The following MAST4 variants were observed in gnomAD, a reference collection of about 807,000 sequenced individuals.
MAST4 encodes the protein microtubule associated serine/threonine kinase family member 4, also known as microtubule-associated serine/threonine-protein kinase 4.
MAST4 carries 89 observed loss-of-function variants against 162.7 expected under a neutral mutation model. The ratio of observed to expected loss-of-function variants is 0.55; its 90% CI spans 0.46 to 0.65. The LOEUF is 0.65. Ranked by LOEUF, MAST4 falls within the 30% of genes least tolerant of loss-of-function variation. MAST4 has a pLI of 0.00. For synonymous variants in MAST4, 1,479 were observed against 1,361.1 expected, an observed-to-expected ratio of 1.09 and a Z score of -1.91; for missense variants, 3,153 against 3,374.0, an observed-to-expected ratio of 0.93 and a Z score of 1.62.
At chr5:66,705,402 A>AT (rs1224473880) in intron 1 of MAST4, among the ~76,000 whole-genome samples, 3 of 152,264 alleles carry the variant, frequency 2.0e-5, no homozygotes, top group East Asian at 3.9e-4. Flanking sequence ...GCATATAGGG[A>AT]TTTTTTTAAA....
rs1467727888 is a variant in MAST4 at position 67,165,687 on chromosome 5, G to A, written c.6508G>A (p.Ala2170Thr). 1 of 1,585,794 alleles carries A rather than the reference G, an allele frequency of 6.3e-7. No individual in the cohort carries two copies. The highest frequency in any genetic ancestry group is 8.6e-7 in the Non-Finnish European group (1 of 1,166,822). The change falls in exon 29 of 29, where the codon GCA becomes ACA. Residue 2170 changes from alanine to threonine, a missense_variant. Around this residue, in one of 7 missense-constraint regions of MAST4, gnomAD observed 1,644 missense variants for 1,495.0 expected, o/e 1.10. Transcript: ENST00000403625. Reference protein sequence around the residue: ...GREPGAKPSTAEPSSSPQDPP... With the variant: ...GREPGAKPSTTEPSSSPQDPP... ...AGAGCCGGGGGCCAAGCCCAGCACTGCAGAGCCCAGCTCGAGCCCCCAGGA... is the reference window on the plus strand; with the variant it reads ...AGAGCCGGGGGCCAAGCCCAGCACTACAGAGCCCAGCTCGAGCCCCCAGGA...
At chr5:67,116,486 G>A (rs1465307659) in intron 12 of MAST4, among the ~76,000 whole-genome samples, 4 of 151,892 alleles carry the variant, frequency 2.6e-5, no homozygotes, top group East Asian at 1.9e-4. Context: ...GATTACAGGC[G>A]TGAGCCACCG....
At chr5:67,130,160 T>C in intron 14 of MAST4, 50 bp from the exon 15 acceptor site, 2 of 1,526,600 alleles carry the variant, frequency 1.3e-6, no homozygotes, top group Non-Finnish European at 1.8e-6. Flanking sequence ...CCCCAAAACA[T>C]CCTTACTTTC....
chr5:66,777,575 A>G lies in MAST4; in HGVS notation c.518-11095A>G, dbSNP rs1022853390. On this transcript the variant is annotated intron_variant, in intron 2 of 28. Coordinates refer to ENST00000403625, the MANE Select transcript of MAST4 (RefSeq NM_001164664.2). ...TGATGGACTTGAAATCAACAGTTTG[A>G]TTTTATGAGTTTAGAAATTAAGGGT... is the stretch of plus-strand genomic sequence containing the variant. 2.0e-5 allele frequency among the ~76,000 whole-genome samples: 3 copies of G among 152,086 alleles called. No homozygotes were observed. The East Asian group carries it at 5.8e-4, about 29-fold the overall frequency.
intron 9 of MAST4, among the ~76,000 whole-genome samples, chr5:67,103,493 G>T (rs1248033211): frequency 6.6e-6 from 1 of 152,178 alleles, no homozygotes; most frequent in Non-Finnish European, 1.5e-5. Flanking sequence ...CCTAGTTAAT[G>T]CAGGTTAGGA....
intron 3 of MAST4, among the ~76,000 whole-genome samples, chr5:66,815,376 T>C (rs1040228924): frequency 6.6e-6 from 1 of 152,360 alleles, no homozygotes; most frequent in African/African-American, 2.4e-5. Flanking sequence ...CAGATTACAT[T>C]CACATGACTT....
At chr5:66,699,368 A>AT (rs1173034038) in intron 1 of MAST4, among the ~76,000 whole-genome samples, 1 of 151,778 alleles carries the variant, frequency 6.6e-6, no homozygotes, top group African/African-American at 2.4e-5. Flanking sequence ...GCCCTATTTT[A>AT]TTTTTTCTCC....
intron 5 of MAST4, among the ~76,000 whole-genome samples, chr5:67,062,824 T>C (rs1276984135): frequency 6.6e-6 from 1 of 152,186 alleles, no homozygotes; most frequent in African/African-American, 2.4e-5. Context: ...AAAAAAAATA[T>C]GTCAGTCTCA....
chr5:66,624,960 T>C (rs1561221219), intron 1 of MAST4, among the ~76,000 whole-genome samples: 3 of 152,222 alleles, frequency 2.0e-5, no homozygotes, highest in African/African-American at 7.2e-5. Flanking sequence ...TTTTTGGATA[T>C]AGCAACAAAA....
chr5:67,033,617 C>G (rs901553142), intron 4 of MAST4, among the ~76,000 whole-genome samples: 4 of 151,982 alleles, frequency 2.6e-5, no homozygotes, highest in African/African-American at 7.2e-5. Context: ...ATGTGTGGTG[C>G]CCTATGAATT....
At chr5:66,760,404 G>A (rs1753791650) in intron 2 of MAST4, among the ~76,000 whole-genome samples, 3 of 151,990 alleles carry the variant, frequency 2.0e-5, no homozygotes, top group South Asian at 2.1e-4. Context: ...GTGAGCCACC[G>A]CACCCGGCCA....
In MAST4 at chr5:67,054,505, C is replaced by T. The variant is rs1758569256; in HGVS notation, c.763+13C>T. On this transcript the variant is annotated intron_variant, in intron 5 of 28. Transcript: ENST00000403625. ...TCTGCTCATGCAGGTAATTGGTTAC[C>T]ATTTCTTGAGTTTTGTTTTATTTCT... 1.3e-6 allele frequency: 2 copies of T among 1,587,894 alleles called. No individual in the cohort carries two copies. The highest frequency in any genetic ancestry group is 1.7e-6 in the Non-Finnish European group (2 of 1,169,432).
At chr5:66,991,605 A>G (rs1035725663) in intron 4 of MAST4, among the ~76,000 whole-genome samples, 1 of 152,230 alleles carries the variant, frequency 6.6e-6, no homozygotes, top group African/African-American at 2.4e-5. Flanking sequence ...ACTGAAGTAT[A>G]TCCAATCCTG....
chr5:67,001,074 C>CT (rs1751241519), intron 4 of MAST4, among the ~76,000 whole-genome samples: 1 of 152,168 alleles, frequency 6.6e-6, no homozygotes. Context: ...CTATATTGAC[C>CT]TAGACCAGCT....
At chr5:67,004,044 T>TCC (rs1258061665) in intron 4 of MAST4, 1 of 152,228 alleles carries the variant, frequency 6.6e-6, no homozygotes, top group Non-Finnish European at 1.5e-5. Context: ...CTGCCATCCC[T>TCC]CCCGCGGTGA....
chr5:66,767,939 T>A (rs780814451), intron 2 of MAST4, among the ~76,000 whole-genome samples: 1 of 152,156 alleles, frequency 6.6e-6, no homozygotes, highest in African/African-American at 2.4e-5. Context: ...AATGTTAATC[T>A]CCTTTGACAA....
chr5:67,028,614 A>T (rs1413016739), intron 4 of MAST4, among the ~76,000 whole-genome samples: 2 of 152,138 alleles, frequency 1.3e-5, no homozygotes, highest in African/African-American at 4.8e-5. Flanking sequence ...GATTAGAGTG[A>T]AGAAGAACTA....
chr5:66,874,279 GC>G (rs1761141598), intron 3 of MAST4, among the ~76,000 whole-genome samples: 1 of 152,192 alleles, frequency 6.6e-6, no homozygotes. Context: ...AGACCATGGA[GC>G]AGTTATTTGT....
chr5:66,828,760 C>T lies in MAST4; in HGVS notation c.642+39966C>T, dbSNP rs542059718. On this transcript the variant is annotated intron_variant, in intron 3 of 28. Transcript: ENST00000403625. Reference sequence around the variant, plus strand: ...CGTGATGTAAGTGTTTAGCAGCTGCCGGGCTCTGAATTAGCGTGCTGAAGT... The same window carrying T: ...CGTGATGTAAGTGTTTAGCAGCTGCTGGGCTCTGAATTAGCGTGCTGAAGT... 7.1e-6 allele frequency: 11 copies of T among 1,558,232 alleles called. No homozygotes were observed. The Admixed American group carries it at 7.7e-5, about 11-fold the overall frequency.
Sources: allele counts gnomAD v4.1 joint callset (sites outside exome capture counted in the v4.1 genomes callset), GRCh38; gene constraint gnomAD v4.1.1; regional missense constraint gnomAD v4.1.1; transcripts MANE v1.5; gene names NCBI Gene and HGNC (gene_info 2026-07-23, HGNC 2026-07-21).